The following ATP2A2 variants were observed in gnomAD, a reference collection of about 807,000 sequenced individuals.
The protein encoded by ATP2A2 is ATPase sarcoplasmic/endoplasmic reticulum Ca2+ transporting 2, also known as sarcoplasmic/endoplasmic reticulum calcium ATPase 2.
ATP2A2 carries 14 observed loss-of-function variants against 109.3 expected under a neutral mutation model. The ratio of observed to expected loss-of-function variants is 0.13; its 90% CI spans 0.08 to 0.20. The LOEUF (loss-of-function observed/expected upper bound fraction) is 0.20, where lower values mean the gene tolerates loss of function less well. Among genes scored for constraint, ATP2A2 ranks in the 10% least tolerant of loss-of-function variants. ATP2A2 has a pLI of 1.00. For missense variants in ATP2A2, 657 were observed against 1,321.6 expected (o/e 0.50, Z 7.80); for synonymous variants, 506 against 490.9 (o/e 1.03, Z -0.41).
chr12:110,340,962 T>C lies in ATP2A2; in HGVS notation c.2065T>C (p.Phe689Leu). ...CTCCCACAAGTCTAAAATCGTAGAATTTCTTCAGTCTTTTGATGAGATTAC... is the reference window on the plus strand; with the variant it reads ...CTCCCACAAGTCTAAAATCGTAGAACTTCTTCAGTCTTTTGATGAGATTAC... ...EPSHKSKIVE[F>L]LQSFDEITAM... Residue 689 changes from phenylalanine (F) to leucine (L), a missense_variant, in exon 14 of 20, where the codon TTT becomes CTT. Coordinates refer to ENST00000539276, the MANE Select transcript of ATP2A2 (RefSeq NM_170665.4). The surrounding 1 kb of genome is among the most constrained non-coding windows in gnomAD (Gnocchi z 6.0). 6.2e-7 allele frequency: 1 copy of C among 1,614,222 alleles called. No homozygotes were observed. The highest frequency in any genetic ancestry group is 8.5e-7 in the Non-Finnish European group (1 of 1,180,030).
At chr12:110,315,178 C>T (rs536158571) in intron 5 of ATP2A2, among the ~76,000 whole-genome samples, 1 of 152,094 alleles carries the variant, frequency 6.6e-6, no homozygotes, top group African/African-American at 2.4e-5. Flanking sequence ...ATACTGTTAA[C>T]TGTATATATA....
In ATP2A2 at chr12:110,347,197, TA is replaced by T. The variant is rs1879959872; in HGVS notation, c.*729del. ...GGTTTATGTCCCTTCACATAGTTTT[TA>T]AGGTTATTTATTTAAATGTCTAATG... is the stretch of plus-strand genomic sequence containing the variant. On this transcript the variant is annotated 3_prime_UTR_variant, in exon 20 of 20. Coordinates refer to ENST00000539276, the MANE Select transcript of ATP2A2 (RefSeq NM_170665.4). The T allele has an allele frequency of 8.4e-7, 1 of 1,192,606 alleles. No homozygotes were observed. The highest frequency in any genetic ancestry group is 1.1e-6 in the Non-Finnish European group (1 of 944,692). The allele number at this position is 1,192,606 out of a possible 1,614,324, so 73.9% of individuals were successfully genotyped here.
At position 110,332,581 on chromosome 12, in the gene ATP2A2, C is replaced by T. The variant is rs56253731; in HGVS notation, c.1096-16C>T. ...AAAATCCCTTTTAAATACTCTGATGCGCTCTCCCCCTACAGATGTTCATTC... is the reference window on the plus strand; with the variant it reads ...AAAATCCCTTTTAAATACTCTGATGTGCTCTCCCCCTACAGATGTTCATTC... On this transcript the variant is annotated splice_polypyrimidine_tract_variant and intron_variant, in intron 8 of 19. Coordinates refer to ENST00000539276, the MANE Select transcript of ATP2A2 (RefSeq NM_170665.4). 14,470 of 1,588,270 alleles carry T rather than the reference C, an allele frequency of 9.1e-3. 75 individuals carry two copies. Among genetic ancestry groups the T allele is most frequent in the Non-Finnish European group, 0.01 (11,886 of 1,156,564 alleles).
chr12:110,288,638 C>T (rs1048181062), intron 3 of ATP2A2, among the ~76,000 whole-genome samples: 1 of 152,106 alleles, frequency 6.6e-6, no homozygotes, highest in African/African-American at 2.4e-5. Context: ...CTCCTGACCT[C>T]AGGTGATCTG....
chr12:110,315,822 T>A (rs539874556), intron 5 of ATP2A2, among the ~76,000 whole-genome samples: 49 of 152,316 alleles, frequency 3.2e-4, no homozygotes, highest in Non-Finnish European at 6.6e-4. Flanking sequence ...ACGCCTGTAG[T>A]CCCAGGTATT....
intron 16 of ATP2A2, 25 bp from the exon 17 acceptor site, chr12:110,344,861 T>G: frequency 6.2e-7 from 1 of 1,613,378 alleles, no homozygotes; most frequent in Non-Finnish European, 8.5e-7. Flanking sequence ...GGCAAGTGCA[T>G]CAGCATCACT....
intron 11 of ATP2A2, among the ~76,000 whole-genome samples, chr12:110,336,886 TG>T (rs1259131714): frequency 1.4e-4 from 22 of 152,212 alleles, no homozygotes; most frequent in Admixed American, 3.9e-4. Flanking sequence ...AGTTGGATCC[TG>T]GCAGAGCCAC....
chr12:110,312,182 C>CT (rs997848511), intron 5 of ATP2A2, among the ~76,000 whole-genome samples: 2 of 151,934 alleles, frequency 1.3e-5, no homozygotes, highest in South Asian at 2.1e-4. Flanking sequence ...GAGTAAAACT[C>CT]TGTCTCCCAA....
chr12:110,341,018 G>A (rs1592861625), intron 14 of ATP2A2, 24 bp downstream of exon 14: 2 of 1,612,126 alleles, frequency 1.2e-6, no homozygotes, highest in African/African-American at 1.3e-5. Flanking sequence ...AACATGTACA[G>A]GTGACTCAGG....
In ATP2A2 at chr12:110,334,831, G is replaced by A. The variant is rs567388336; in HGVS notation, c.1419+688G>A. 7.7e-4 allele frequency among the ~76,000 whole-genome samples: 117 copies of A among 151,966 alleles called. 2 individuals carry two copies. In the South Asian group the frequency reaches 8.9e-3, roughly 12 times the overall value. On this transcript the variant is annotated intron_variant, in intron 11 of 19. Transcript: ENST00000539276. The stretch of plus-strand genomic sequence containing the variant: ...TCGAACTCCTGACCTCAGGTGATCC[G>A]CCCACCTCGGCCTCCCAAAGTGCTG...
At position 110,333,996 on chromosome 12, in the gene ATP2A2, C is replaced by T. The variant is rs1426454458; in HGVS notation, c.1288-16C>T. The T allele has an allele frequency of 6.2e-7, 1 of 1,613,926 alleles. No individual in the cohort carries two copies. The highest frequency in any genetic ancestry group is 1.1e-5 in the South Asian group (1 of 91,072). On this transcript the variant is annotated splice_polypyrimidine_tract_variant and intron_variant, in intron 10 of 19. Transcript: ENST00000539276. ...TTCTCCCTTTTTTCTACTTTCTGTG[C>T]CTTTAACCAATACAGGCAAAGGGTG... is the stretch of plus-strand genomic sequence containing the variant.
rs1566245275 is a variant in ATP2A2 at position 110,347,930 on chromosome 12, G to A, written c.*1460G>A. Reference sequence around the variant, plus strand: ...CTCCCTGATGCCCTGTGAGCACCGGGGTTGCCTGTGGCGCCTGCCATGTGA... The same window carrying A: ...CTCCCTGATGCCCTGTGAGCACCGGAGTTGCCTGTGGCGCCTGCCATGTGA... On this transcript the variant is annotated 3_prime_UTR_variant, in exon 20 of 20. Transcript: ENST00000539276. 1 of 987,522 alleles carries A rather than the reference G, an allele frequency of 1.0e-6. No homozygotes were observed. The highest frequency in any genetic ancestry group is 4.7e-5 in the South Asian group (1 of 21,444). 61.2% of individuals were successfully genotyped at this position (987,522 alleles called of 1,614,324 possible). A position where few individuals can be genotyped will look rare whatever the true frequency, so the allele number is the denominator to read the frequency against.
At chr12:110,304,917 G>C (rs1875103074) in intron 5 of ATP2A2, among the ~76,000 whole-genome samples, 1 of 152,024 alleles carries the variant, frequency 6.6e-6, no homozygotes, top group African/African-American at 2.4e-5. Flanking sequence ...GGGAGGCTGA[G>C]GCAGGAAAAA....
In ATP2A2 at chr12:110,305,415, GCAA is replaced by G. The variant is rs1436397174; in HGVS notation, c.463+8684_463+8686del. Among the ~76,000 whole-genome samples the G allele has an allele frequency of 2.6e-5, 4 of 152,106 alleles. No individual in the cohort carries two copies. The East Asian group carries it at 7.7e-4, about 29-fold the overall frequency. On this transcript the variant is annotated intron_variant, in intron 5 of 19. Transcript: ENST00000539276. ...GCAAGACCTTGCCTCTTTAAAAACA[GCAA>G]CAACAGCAAAAACTATGGTGTGAGG...
In ATP2A2 at chr12:110,339,782, C is replaced by T. The variant is rs535617682; in HGVS notation, c.1761+61C>T. The T allele has an allele frequency of 6.9e-5, 106 of 1,536,528 alleles. No homozygotes were observed. In the Admixed American group the frequency reaches 1.8e-3, roughly 26 times the overall value. On this transcript the variant is annotated intron_variant, in intron 13 of 19. Coordinates refer to ENST00000539276, the MANE Select transcript of ATP2A2 (RefSeq NM_170665.4). The surrounding 1 kb of genome is among the most constrained non-coding windows in gnomAD (Gnocchi z 4.4). The stretch of plus-strand genomic sequence containing the variant: ...CACGATTCATTGTGTTTAAACAGTA[C>T]TCCTTCAAGCAAAAGGTCAAACAGT...
At chr12:110,318,487 G>A (rs544701220) in intron 5 of ATP2A2, among the ~76,000 whole-genome samples, 1 of 152,202 alleles carries the variant, frequency 6.6e-6, no homozygotes, top group African/African-American at 2.4e-5. Flanking sequence ...AGGTTCGTTG[G>A]TTTGTTTTTG....
Position 110,348,690 on chromosome 12 carries a change from T to C in ATP2A2, c.*2220T>C. 1 of 984,880 alleles carries C rather than the reference T, an allele frequency of 1.0e-6. No individual in the cohort carries two copies. 61.0% of individuals were successfully genotyped at this position (984,880 alleles called of 1,614,324 possible). ...ACTCAAACCAGCCTGGGCAACAGAG[T>C]GAGGCCCTGTCAAAAAAAAATCAGC... is the stretch of plus-strand genomic sequence containing the variant. On this transcript the variant is annotated 3_prime_UTR_variant, in exon 20 of 20. Coordinates refer to ENST00000539276, the MANE Select transcript of ATP2A2 (RefSeq NM_170665.4).
intron 11 of ATP2A2, 101 bp downstream of exon 11, chr12:110,334,244 C>G: frequency 7.2e-7 from 1 of 1,393,966 alleles, no homozygotes; most frequent in Non-Finnish European, 1.0e-6. Flanking sequence ...CTAATTATAC[C>G]TTATCTCCTC....
chr12:110,285,897 G>A (rs1411113566), intron 3 of ATP2A2, among the ~76,000 whole-genome samples: 1 of 147,472 alleles, frequency 6.8e-6, no homozygotes, highest in Admixed American at 6.7e-5. Flanking sequence ...CTTCCTACTA[G>A]ACCCCCTTGA....
Sources: allele counts gnomAD v4.1 joint callset (sites outside exome capture counted in the v4.1 genomes callset), GRCh38; gene constraint gnomAD v4.1.1; non-coding constraint Gnocchi (gnomAD v3.1); transcripts MANE v1.5; gene names NCBI Gene and HGNC (gene_info 2026-07-23, HGNC 2026-07-21).